Variants in CFAP54 observed in about 807,000 individuals in gnomAD.
The protein encoded by CFAP54 is cilia and flagella associated protein 54.
In CFAP54, 290 loss-of-function variants were observed where a neutral mutation model predicts 370.4. The ratio of observed to expected loss-of-function variants is 0.78; its 90% CI spans 0.71 to 0.86. CFAP54 has a LOEUF of 0.86. CFAP54 is among the 40% of genes least tolerant of loss of function. CFAP54 has a pLI of 0.00. For missense variants in CFAP54, 3,399 were observed against 3,528.7 expected (o/e 0.96, Z 0.93); for synonymous variants, 1,206 against 1,236.5 (o/e 0.98, Z 0.52).
chr12:96,747,685 T>C (rs537250696), intron 55 of CFAP54, among the ~76,000 whole-genome samples: 9 of 152,234 alleles, frequency 5.9e-5, no homozygotes, highest in Non-Finnish European at 1.3e-4. Flanking sequence ...CAGGCCTGAA[T>C]CTTGGCATTA....
chr12:96,574,491 A>G (rs897469600), intron 19 of CFAP54, among the ~76,000 whole-genome samples: 1 of 152,024 alleles, frequency 6.6e-6, no homozygotes, highest in Non-Finnish European at 1.5e-5. Flanking sequence ...TGCTAGTAAT[A>G]TTTTGGTTAT....
At chr12:96,713,612 A>G (rs1312560668) in intron 48 of CFAP54, among the ~76,000 whole-genome samples, 1 of 152,218 alleles carries the variant, frequency 6.6e-6, no homozygotes, top group Non-Finnish European at 1.5e-5. Flanking sequence ...AGAAAAATAC[A>G]TAAATTAAAT....
chr12:96,603,749 G>T (rs1277305629), intron 26 of CFAP54, among the ~76,000 whole-genome samples: 1 of 152,012 alleles, frequency 6.6e-6, no homozygotes, highest in Non-Finnish European at 1.5e-5. Flanking sequence ...GATCGAATCG[G>T]CTACTGAAGC....
chr12:96,677,933 C>T (rs2136544762), intron 39 of CFAP54, among the ~76,000 whole-genome samples: 1 of 152,186 alleles, frequency 6.6e-6, no homozygotes, highest in East Asian at 1.9e-4. Context: ...AGGTTTCTTC[C>T]CTTATTAACT....
chr12:96,650,644 C>A (rs1191402359), intron 35 of CFAP54, among the ~76,000 whole-genome samples: 1 of 152,086 alleles, frequency 6.6e-6, no homozygotes, highest in Non-Finnish European at 1.5e-5. Flanking sequence ...AAATCAGTTT[C>A]TTTTTTTCAC....
intron 33 of CFAP54, chr12:96,646,163 C>A (rs1478972727): frequency 3.9e-5 from 6 of 152,204 alleles, no homozygotes; most frequent in Admixed American, 3.3e-4. Flanking sequence ...AGTGAACAGG[C>A]AACCTACAGA....
At chr12:96,664,035 T>C in intron 39 of CFAP54, 103 bp downstream of exon 39, 1 of 888,292 alleles carries the variant, frequency 1.1e-6, no homozygotes, top group East Asian at 2.6e-5. Context: ...TGTAAAAATG[T>C]ATTTTGCAGG....
At chr12:96,799,007 A>G (rs1592768339) in intron 63 of CFAP54, among the ~76,000 whole-genome samples, 1 of 152,312 alleles carries the variant, frequency 6.6e-6, no homozygotes, top group East Asian at 1.9e-4. Flanking sequence ...GATATAATTT[A>G]TTTTAATGTA....
chr12:96,759,498 T>C (rs765994389), intron 58 of CFAP54, among the ~76,000 whole-genome samples: 14 of 152,184 alleles, frequency 9.2e-5, no homozygotes, highest in Non-Finnish European at 2.1e-4. Context: ...ATAAATATTT[T>C]AGCAAGTCAT....
chr12:96,677,489 A>G (rs536815986), intron 39 of CFAP54, among the ~76,000 whole-genome samples: 1 of 152,266 alleles, frequency 6.6e-6, no homozygotes, highest in East Asian at 1.9e-4. Flanking sequence ...GCAGAAACCT[A>G]CAATCTTCGG....
intron 36 of CFAP54, among the ~76,000 whole-genome samples, chr12:96,656,656 C>T (rs1293707222): frequency 6.6e-6 from 1 of 152,234 alleles, no homozygotes; most frequent in Non-Finnish European, 1.5e-5. Flanking sequence ...GCTGGGATTA[C>T]AGGCATGAGC....
At chr12:96,679,810 G>T in intron 40 of CFAP54, 58 bp downstream of exon 40, 1 of 1,545,880 alleles carries the variant, frequency 6.5e-7, no homozygotes, top group Non-Finnish European at 8.8e-7. Context: ...CCACCCTGCA[G>T]ATGTCCCTCT....
intron 22 of CFAP54, among the ~76,000 whole-genome samples, chr12:96,585,072 G>C (rs921997539): frequency 3.5e-4 from 52 of 148,164 alleles, no homozygotes; most frequent in African/African-American, 1.3e-3. Context: ...ATCTTACTCT[G>C]TTGCCCAGGC....
chr12:96,693,944 C>T, intron 45 of CFAP54, 136 bp downstream of exon 45: 2 of 505,234 alleles, frequency 4.0e-6, no homozygotes, highest in Non-Finnish European at 3.4e-6. Context: ...ATAACTTACC[C>T]ATTATTATAA....
intron 40 of CFAP54, among the ~76,000 whole-genome samples, chr12:96,681,244 T>C (rs1957267533): frequency 6.6e-6 from 1 of 152,198 alleles, no homozygotes; most frequent in African/African-American, 2.4e-5. Flanking sequence ...AGTTTATCTC[T>C]AGTCCTCAGG....
intron 38 of CFAP54, among the ~76,000 whole-genome samples, chr12:96,661,207 G>T (rs1956991199): frequency 6.6e-6 from 1 of 152,122 alleles, no homozygotes; most frequent in Non-Finnish European, 1.5e-5. Context: ...ATCCTGCCGT[G>T]GTCTTTCTGG....
At chr12:96,873,484 A>G (rs1008073572) in intron 67 of CFAP54, among the ~76,000 whole-genome samples, 1 of 152,140 alleles carries the variant, frequency 6.6e-6, no homozygotes, top group Non-Finnish European at 1.5e-5. Flanking sequence ...GCTGTCATTC[A>G]TTTCTCAGCA....
chr12:96,682,029 A>G (rs1258468153), intron 40 of CFAP54: 2 of 393,740 alleles, frequency 5.1e-6, no homozygotes, highest in East Asian at 1.6e-4. Flanking sequence ...TGTCTCAGCT[A>G]TATACAAAAT....
chr12:96,692,376 A>G (rs1284361272), intron 44 of CFAP54, among the ~76,000 whole-genome samples: 2 of 146,186 alleles, frequency 1.4e-5, no homozygotes, highest in Non-Finnish European at 3.0e-5. Flanking sequence ...TATAATACAT[A>G]TCACTGTGCT....
Sources: gnomAD v4.1 joint callset for allele counts (sites outside exome capture counted in the v4.1 genomes callset) on GRCh38, gnomAD v4.1.1 for gene constraint, MANE v1.5 for transcripts, NCBI Gene and HGNC (gene_info 2026-07-23, HGNC 2026-07-21) for gene names.